The following C9 variants were observed in gnomAD, a reference collection of about 807,000 sequenced individuals.
C9 encodes complement component C9.
C9 carries 63 observed loss-of-function variants against 65.4 expected under a neutral mutation model. The ratio of observed to expected loss-of-function variants is 0.96; its 90% confidence interval spans 0.79 to 1.19. The LOEUF (loss-of-function observed/expected upper bound fraction) is 1.19, where lower values mean the gene tolerates loss of function less well. Ranked by LOEUF, C9 falls within the 50% of genes most tolerant of loss-of-function variation. The pLI is 0.00. For synonymous variants in C9, 229 were observed against 227.9 expected, an observed-to-expected ratio of 1.00 and a Z score of -0.04; for missense variants, 744 against 670.1, an observed-to-expected ratio of 1.11 and a Z score of -1.22.
intron 5 of C9, among the ~76,000 whole-genome samples, chr5:39,318,916 A>G (rs2089451174): frequency 6.6e-6 from 1 of 152,206 alleles, no homozygotes; most frequent in Non-Finnish European, 1.5e-5. Flanking sequence ...TATAGTCTAA[A>G]CTAGATTTAT....
intron 1 of C9, among the ~76,000 whole-genome samples, chr5:39,350,424 A>T (rs1199697599): frequency 1.3e-5 from 2 of 152,216 alleles, no homozygotes; most frequent in African/African-American, 4.8e-5. Context: ...CCTTCCCAAC[A>T]GTCCCCTAGA....
At chr5:39,345,974 A>G (rs1754185966) in intron 1 of C9, among the ~76,000 whole-genome samples, 1 of 152,250 alleles carries the variant, frequency 6.6e-6, no homozygotes, top group African/African-American at 2.4e-5. Context: ...GAAACCAATG[A>G]GAACAAAGAC....
At position 39,288,739 on chromosome 5, in the gene C9, T is replaced by C; in HGVS notation, c.1629A>G (p.Lys543=). Residue 543 remains lysine (K), a synonymous_variant, in exon 10 of 11, where the codon AAA becomes AAG. Transcript: ENST00000263408. ...KFEGIACEIS[K]QKISEGLPAL... ...TGTCCTCACCTTCAGAAATTTTTTG[T>C]TTACTGATTTCACAGGCAATTCCCT... 7 of 1,608,066 alleles carry C rather than the reference T, an allele frequency of 4.4e-6. No homozygotes were observed. The highest frequency in any genetic ancestry group is 4.3e-6 in the Non-Finnish European group (5 of 1,174,948).
Position 39,298,874 on chromosome 5 carries a change from G to A in C9, c.1416+7743C>T, listed in dbSNP as rs533656880. Among the ~76,000 whole-genome samples the A allele has an allele frequency of 3.0e-4, 45 of 151,860 alleles. 1 individual carries two copies. The highest frequency in any genetic ancestry group is 2.6e-3 in the Admixed American group (40 of 15,222). ...GCAAACCAAATACAATAGTTTTTAA[G>A]CACCAGGTTTGCTCAAAATTTAAAT... is the stretch of plus-strand genomic sequence containing the variant. On this transcript the variant is annotated intron_variant, in intron 9 of 10. Coordinates refer to ENST00000263408, the MANE Select transcript of C9 (RefSeq NM_001737.5).
chr5:39,288,653 T>C lies in C9; in HGVS notation c.1645+70A>G, dbSNP rs568291810. On this transcript the variant is annotated intron_variant, in intron 10 of 10. Coordinates refer to ENST00000263408, the MANE Select transcript of C9 (RefSeq NM_001737.5). ...ATTTAGTACAAATTAATTCAAGAGC[T>C]AGTTTTCAAATTAGATAACCCCAAA... The C allele has an allele frequency of 3.7e-5, 30 of 805,886 alleles. 1 individual carries two copies. In the African/African-American group the frequency reaches 4.7e-4, roughly 13 times the overall value. 49.9% of individuals were successfully genotyped at this position (805,886 alleles called of 1,614,324 possible).
rs1434119923 is a variant in C9 at position 39,311,342 on chromosome 5, A to G, written c.906T>C (p.His302=). The part of the protein sequence containing the change: ...KMFLHVKGEI[H]LGRFVMRNRD... ...GATTTCTCATTACAAATCTTCCCAG[A>G]TGAATTTCTCCTTTCACATGCAGAA... The change falls in exon 7 of 11, where the codon CAT becomes CAC. Residue 302 remains histidine (H), a synonymous_variant. Coordinates refer to ENST00000263408, the MANE Select transcript of C9 (RefSeq NM_001737.5). The G allele has an allele frequency of 8.1e-6, 13 of 1,612,650 alleles. No homozygotes were observed. Among genetic ancestry groups the G allele is most frequent in the Non-Finnish European group, 1.1e-5 (13 of 1,178,996 alleles).
At chr5:39,346,937 T>G (rs1428211638) in intron 1 of C9, among the ~76,000 whole-genome samples, 4 of 152,162 alleles carry the variant, frequency 2.6e-5, no homozygotes, top group Admixed American at 2.6e-4. Flanking sequence ...ATTATCTCAA[T>G]AGATGCAGAA....
In C9 at chr5:39,342,114, A is replaced by G; in HGVS notation, c.160T>C (p.Cys54Arg). The G allele has an allele frequency of 1.9e-6, 3 of 1,597,594 alleles. No homozygotes were observed. The East Asian group carries it at 6.7e-5, about 36-fold the overall frequency. ...ACCATTTGTCTGAGACAAGGATCGC[A>G]TTGTGACCATTCACTCCAGGGGCTC... ...RMSPWSEWSQCDPCLRQMFRS... is the reference protein window; with the variant it reads ...RMSPWSEWSQRDPCLRQMFRS... The change falls in exon 2 of 11, where the codon TGC becomes CGC. Residue 54 changes from cysteine (C) to arginine (R), a missense_variant. Cys to Arg is a radical substitution (Grantham distance 180). Transcript: ENST00000263408.
chr5:39,287,019 G>A (rs1365408693), intron 10 of C9, among the ~76,000 whole-genome samples: 1 of 151,872 alleles, frequency 6.6e-6, no homozygotes, highest in East Asian at 1.9e-4. Context: ...AACAATGATT[G>A]CCATAGAAAG....
intron 5 of C9, among the ~76,000 whole-genome samples, chr5:39,319,684 C>T (rs1753632689): frequency 2.0e-5 from 3 of 152,084 alleles, no homozygotes; most frequent in Admixed American, 2.0e-4. Context: ...GACCAGGGAT[C>T]CAGCCTCTAG....
chr5:39,296,642 C>T (rs768094833), intron 9 of C9, among the ~76,000 whole-genome samples: 2 of 151,528 alleles, frequency 1.3e-5, no homozygotes, highest in African/African-American at 4.8e-5. Context: ...GACATCCGCA[C>T]CCTTCTGTTT....
At chr5:39,341,072 A>T in intron 4 of C9, 74 bp downstream of exon 4, 2 of 1,492,156 alleles carry the variant, frequency 1.3e-6, no homozygotes, top group Non-Finnish European at 1.9e-6. Flanking sequence ...TGCTTCTACC[A>T]GTCTATCACA....
At chr5:39,356,045 G>T (rs1240460843) in intron 1 of C9, among the ~76,000 whole-genome samples, 1 of 152,100 alleles carries the variant, frequency 6.6e-6, no homozygotes, top group African/African-American at 2.4e-5. Flanking sequence ...AGGATGGGGG[G>T]AGATCAGCCC....
chr5:39,363,650 G>C (rs940753077), intron 1 of C9, among the ~76,000 whole-genome samples: 53 of 152,144 alleles, frequency 3.5e-4, no homozygotes, highest in Non-Finnish European at 5.1e-4. Flanking sequence ...GATGACTCCA[G>C]GATGGAAGGA....
intron 7 of C9, among the ~76,000 whole-genome samples, chr5:39,310,873 A>G (rs555408678): frequency 5.9e-5 from 9 of 152,284 alleles, no homozygotes; most frequent in African/African-American, 2.2e-4. Context: ...ACCACCTTCT[A>G]ATAGATGTGA....
At chr5:39,311,823 A>G (rs908410582) in intron 6 of C9, among the ~76,000 whole-genome samples, 1 of 152,238 alleles carries the variant, frequency 6.6e-6, no homozygotes, top group Non-Finnish European at 1.5e-5. Context: ...TAGCATATTA[A>G]TACAATGGAA....
intron 9 of C9, among the ~76,000 whole-genome samples, chr5:39,303,409 A>C (rs1284691864): frequency 6.6e-6 from 1 of 152,030 alleles, no homozygotes; most frequent in South Asian, 2.1e-4. Context: ...AAAGCAGACA[A>C]ATGGGGCCTC....
At chr5:39,293,926 T>C (rs1167414135) in intron 9 of C9, among the ~76,000 whole-genome samples, 1 of 151,980 alleles carries the variant, frequency 6.6e-6, no homozygotes, top group Non-Finnish European at 1.5e-5. Flanking sequence ...TACAAATACA[T>C]GGAAATTAAA....
At chr5:39,296,021 A>T (rs1753179443) in intron 9 of C9, among the ~76,000 whole-genome samples, 1 of 151,696 alleles carries the variant, frequency 6.6e-6, no homozygotes, top group African/African-American at 2.4e-5. Context: ...TTTGTCCTAT[A>T]AAAAATCAAC....
Sources: gnomAD v4.1 joint callset for allele counts (sites outside exome capture counted in the v4.1 genomes callset) on GRCh38, gnomAD v4.1.1 for gene constraint, MANE v1.5 for transcripts, NCBI Gene and HGNC (gene_info 2026-07-23, HGNC 2026-07-21) for gene names.